The following DMD variants were observed in gnomAD, a reference collection of about 807,000 sequenced individuals.
DMD encodes mutant dystrophin.
Under a neutral mutation model 330.1 loss-of-function variants are expected in DMD, and 63 were observed. That is an observed-to-expected ratio of 0.19 (90% confidence interval 0.16 to 0.24). The LOEUF (loss-of-function observed/expected upper bound fraction) is 0.24, where lower values mean the gene tolerates loss of function less well. Ranked by LOEUF, DMD falls within the 10% of genes least tolerant of loss-of-function variation. The pLI is 1.00. For synonymous variants in DMD, 1,223 were observed against 959.8 expected (o/e 1.27, Z -5.07); for missense variants, 3,344 against 2,684.1 (o/e 1.25, Z -5.43).
At chrX:32,585,361 T>G (rs773513619) in intron 13 of DMD, among the ~76,000 whole-genome samples, 2 of 112,160 alleles carry the variant, frequency 1.8e-5, no homozygotes, top group Non-Finnish European at 3.8e-5. Flanking sequence ...TCAATAAACT[T>G]AAAAATTTTT....
chrX:31,718,374 T>C (rs2085219813), intron 52 of DMD, among the ~76,000 whole-genome samples: 1 of 111,116 alleles, frequency 9.0e-6, no homozygotes, highest in South Asian at 3.9e-4. Context: ...GGCACTATCA[T>C]TGTCAACCCT....
At chrX:33,250,014 G>A (rs950593643) in intron 1 of DMD, among the ~76,000 whole-genome samples, 11 of 102,124 alleles carry the variant, frequency 1.1e-4, no homozygotes, top group African/African-American at 4.2e-4. Context: ...AACATTCATC[G>A]ATATTGTTTT....
At chrX:32,286,546 C>G (rs771981078) in intron 43 of DMD, among the ~76,000 whole-genome samples, 1 of 111,533 alleles carries the variant, frequency 9.0e-6, no homozygotes, top group African/African-American at 3.3e-5. Flanking sequence ...TAATTTTGCA[C>G]AATTAAGGAG....
At chrX:31,233,882 C>CT (rs1221358552) in intron 63 of DMD, among the ~76,000 whole-genome samples, 2 of 111,854 alleles carry the variant, frequency 1.8e-5, no homozygotes, top group Non-Finnish European at 3.8e-5. Context: ...TCTGCAGACT[C>CT]TTTTTTTGTG....
At chrX:32,184,127 C>T (rs2096937366) in intron 44 of DMD, among the ~76,000 whole-genome samples, 1 of 109,049 alleles carries the variant, frequency 9.2e-6, no homozygotes, top group Non-Finnish European at 1.9e-5. Context: ...TATTGATCAC[C>T]TAGTATACTT....
rs188804396 is a variant in DMD at position 32,492,860 on chromosome X, G to T, written c.2381-1342C>A. 1.6e-3 allele frequency among the ~76,000 whole-genome samples: 178 copies of T among 111,833 alleles called. 1 individual carries two copies. Among genetic ancestry groups the T allele is most frequent in the African/African-American group, 5.7e-3 (175 of 30,811 alleles). ...ATTTAAATGTTTTATGTTCCCTCAT[G>T]TACCTACAGAGATCTCAAAAGAACA... On this transcript the variant is annotated intron_variant, in intron 19 of 78. Transcript: ENST00000357033.
intron 55 of DMD, among the ~76,000 whole-genome samples, chrX:31,522,363 C>CTCTCTCTCTCTCTCTCTCTCTATATA: frequency 2.8e-5 from 1 of 35,964 alleles, no homozygotes; most frequent in African/African-American, 1.9e-4. Context: ...CTCTCTCTCT[C>CTCTCTCTCTCTCTCTCTCTCTATATA]TATATATATA....
intron 1 of DMD, among the ~76,000 whole-genome samples, chrX:33,247,655 A>G (rs994696719): frequency 1.8e-5 from 2 of 111,965 alleles, no homozygotes; most frequent in African/African-American, 6.5e-5. Context: ...CAGAAAATAT[A>G]TTTTGTTTTA....
chrX:31,833,247 T>G (rs2093095163), intron 49 of DMD, among the ~76,000 whole-genome samples: 1 of 98,486 alleles, frequency 1.0e-5, no homozygotes, highest in Non-Finnish European at 2.0e-5. Flanking sequence ...TAAATAAAAG[T>G]ATGTGTGTAG....
chrX:32,051,403 G>A (rs933305787), intron 44 of DMD, among the ~76,000 whole-genome samples: 1 of 110,135 alleles, frequency 9.1e-6, no homozygotes, highest in African/African-American at 3.3e-5. Context: ...TCACAAAATA[G>A]GCTGCTTACT....
chrX:32,212,514 G>T (rs2097097053), intron 44 of DMD, among the ~76,000 whole-genome samples: 1 of 111,702 alleles, frequency 9.0e-6, no homozygotes, highest in Non-Finnish European at 1.9e-5. Flanking sequence ...AAAGAATTAA[G>T]ATATTTTCAC....
At chrX:32,655,764 G>T (rs996512221) in intron 9 of DMD, among the ~76,000 whole-genome samples, 1 of 111,383 alleles carries the variant, frequency 9.0e-6, no homozygotes, top group Non-Finnish European at 1.9e-5. Flanking sequence ...TTATTAACGT[G>T]TGGGAGTCTA....
In DMD at chrX:31,507,434, T is replaced by C; in HGVS notation, c.8237A>G (p.Glu2746Gly). Residue 2746 changes from glutamate to glycine, a missense_variant, in exon 56 of 79, where the codon GAA becomes GGA. Physicochemically the swap from Glu to Gly is moderately conservative, Grantham distance 98. Coordinates refer to ENST00000357033, the MANE Select transcript of DMD (RefSeq NM_004006.3). ...KQWQDLQGEI[E>G]AHTDVYHNLD... Reference sequence around the variant, plus strand: ...GTTGTGATAAACATCTGTGTGAGCTTCAATTTCACCTTGGAGGTCCTACAG... The same window carrying C: ...GTTGTGATAAACATCTGTGTGAGCTCCAATTTCACCTTGGAGGTCCTACAG... 1 of 1,207,631 alleles carries C rather than the reference T, an allele frequency of 8.3e-7. No homozygotes were observed. Among genetic ancestry groups the C allele is most frequent in the African/African-American group, 1.7e-5 (1 of 57,835 alleles).
At chrX:31,875,502 C>A in intron 47 of DMD, 129 bp from the exon 48 acceptor site, 3 of 538,310 alleles carry the variant, frequency 5.6e-6, no homozygotes, top group Non-Finnish European at 8.9e-6. Context: ...GTTATTTTAG[C>A]AGCATAATAT....
At chrX:31,179,597 A>G (rs761973602) in intron 69 of DMD, among the ~76,000 whole-genome samples, 2 of 112,263 alleles carry the variant, frequency 1.8e-5, no homozygotes, top group East Asian at 5.6e-4. Context: ...CAACAGGGAC[A>G]GGTTTATTTT....
chrX:32,600,904 A>G (rs1449765348), intron 12 of DMD, among the ~76,000 whole-genome samples: 1 of 111,442 alleles, frequency 9.0e-6, no homozygotes, highest in Non-Finnish European at 1.9e-5. Flanking sequence ...AAGCTGTCTC[A>G]TGAACAAAAA....
intron 1 of DMD, among the ~76,000 whole-genome samples, chrX:33,037,565 TA>T (rs1218197653): frequency 1.8e-5 from 2 of 111,280 alleles, no homozygotes; most frequent in Non-Finnish European, 3.8e-5. Flanking sequence ...CAAACACAGA[TA>T]GGGGTGACCA....
At chrX:33,235,909 TATTA>T (rs1484950426) in intron 1 of DMD, among the ~76,000 whole-genome samples, 4 of 99,529 alleles carry the variant, frequency 4.0e-5, no homozygotes, top group African/African-American at 1.2e-4. Context: ...TTATTATTAT[TATTA>T]TTATTTTTTT....
chrX:32,786,156 A>T (rs73462820), intron 7 of DMD, among the ~76,000 whole-genome samples: 6,398 of 108,187 alleles, frequency 0.059, 514 homozygotes, highest in African/African-American at 0.21. Flanking sequence ...TTTTCAAATC[A>T]CTTTTCCAAG....
Sources: allele counts gnomAD v4.1 joint callset (sites outside exome capture counted in the v4.1 genomes callset), GRCh38; gene constraint gnomAD v4.1.1; transcripts MANE v1.5; gene names NCBI Gene and HGNC (gene_info 2026-07-23, HGNC 2026-07-21).